The following SNRPB2 variants were observed in gnomAD, a reference collection of about 807,000 sequenced individuals.
SNRPB2 encodes U2 small nuclear ribonucleoprotein B''.
A neutral mutation model predicts 26.3 loss-of-function variants in SNRPB2; 16 were observed. The ratio of observed to expected loss-of-function variants is 0.61; its 90% CI spans 0.41 to 0.92. The LOEUF (loss-of-function observed/expected upper bound fraction) is 0.92. Ranked by LOEUF, SNRPB2 falls within the 40% of genes least tolerant of loss-of-function variation. SNRPB2 has a pLI of 0.00. For missense variants in SNRPB2, 179 were observed against 268.1 expected (o/e 0.67, Z 2.32); for synonymous variants, 75 against 89.0 (o/e 0.84, Z 0.88).
chr20:16,732,132 C>T, intron 2 of SNRPB2, 32 bp from the exon 3 acceptor site: 3 of 1,384,440 alleles, frequency 2.2e-6, no homozygotes, highest in Non-Finnish European at 3.0e-6. Flanking sequence ...TACTTTATTA[C>T]CAATAACTTG....
At position 16,736,953 on chromosome 20, in the gene SNRPB2, A is replaced by G. The variant is rs1047145468; in HGVS notation, c.238-308A>G. 2.6e-5 allele frequency among the ~76,000 whole-genome samples: 4 copies of G among 152,182 alleles called. No individual in the cohort carries two copies. The East Asian group carries it at 7.7e-4, about 29-fold the overall frequency. ...ATTTGTTCCTTTAACACTTCAATGC[A>G]GTTTTCTCTATTCTTTGATTAAATG... On this transcript the variant is annotated intron_variant, in intron 3 of 6. Coordinates refer to ENST00000246071, the MANE Select transcript of SNRPB2 (RefSeq NM_003092.5).
chr20:16,742,269 C>G lies in SNRPB2; in HGVS notation c.*1264C>G, dbSNP rs1406239211. On this transcript the variant is annotated 3_prime_UTR_variant, in exon 7 of 7. Transcript: ENST00000246071. ...TTGTATATTACAGTGATGTCAATTG[C>G]TGATAAATTTTCTAACTGCTTACTC... The G allele has an allele frequency of 2.0e-5, 3 of 152,104 alleles. No individual in the cohort carries two copies. The highest frequency in any genetic ancestry group is 7.2e-5 in the African/African-American group (3 of 41,398). The allele number at this position is 152,104 out of a possible 1,614,324, so 9.4% of individuals were successfully genotyped here. A position where few individuals can be genotyped will look rare whatever the true frequency, so the allele number is the denominator to read the frequency against.
chr20:16,733,125 A>G (rs1191301998), intron 3 of SNRPB2, among the ~76,000 whole-genome samples: 2 of 152,300 alleles, frequency 1.3e-5, no homozygotes, highest in African/African-American at 4.8e-5. Flanking sequence ...CAGGGTTTAG[A>G]GGAGCTGGGT....
At position 16,731,593 on chromosome 20, in the gene SNRPB2, T is replaced by C. The variant is rs1252588993; in HGVS notation, c.-35-75T>C. 6 of 1,440,756 alleles carry C rather than the reference T, an allele frequency of 4.2e-6. No homozygotes were observed. In the South Asian group the frequency reaches 6.3e-5, roughly 15 times the overall value. 89.2% of individuals were successfully genotyped at this position (1,440,756 alleles called of 1,614,324 possible). ...CTGACAACTGGGATTGAAAGAGAAATGAAAAGTTAATAATTCTTGTGTTGT... is the reference window on the plus strand; with the variant it reads ...CTGACAACTGGGATTGAAAGAGAAACGAAAAGTTAATAATTCTTGTGTTGT... On this transcript the variant is annotated intron_variant, in intron 1 of 6. Coordinates refer to ENST00000246071, the MANE Select transcript of SNRPB2 (RefSeq NM_003092.5).
At chr20:16,739,011 GAC>G in intron 5 of SNRPB2, 109 bp downstream of exon 5, 2 of 718,242 alleles carry the variant, frequency 2.8e-6, no homozygotes, top group South Asian at 3.2e-5. Context: ...TCATCTACAA[GAC>G]ACAGTGCGTT....
intron 3 of SNRPB2, among the ~76,000 whole-genome samples, chr20:16,733,280 A>G (rs1219663539): frequency 2.6e-5 from 4 of 152,240 alleles, no homozygotes; most frequent in Non-Finnish European, 1.5e-5. Context: ...TTTGTAAGCC[A>G]TATATGGTTT....
chr20:16,735,217 A>C (rs1239271142), intron 3 of SNRPB2, among the ~76,000 whole-genome samples: 1 of 151,510 alleles, frequency 6.6e-6, no homozygotes, highest in Non-Finnish European at 1.5e-5. Context: ...ACACTACTTT[A>C]AAATGTTTCT....
chr20:16,734,971 G>C (rs1163707372), intron 3 of SNRPB2, among the ~76,000 whole-genome samples: 1 of 152,160 alleles, frequency 6.6e-6, no homozygotes, highest in East Asian at 1.9e-4. Flanking sequence ...CCTTCAGCCT[G>C]TCTCCTTTTG....
At chr20:16,730,256 C>G (rs2072380238) in intron 1 of SNRPB2, 92 bp downstream of exon 1, 1 of 152,570 alleles carries the variant, frequency 6.6e-6, no homozygotes, top group African/African-American at 2.4e-5. Flanking sequence ...CGTGGCAGCT[C>G]CCTTGGACTT....
Position 16,741,084 on chromosome 20 carries a change from A to G in SNRPB2, c.*79A>G, listed in dbSNP as rs2072459885. 3 of 1,064,156 alleles carry G rather than the reference A, an allele frequency of 2.8e-6. No individual in the cohort carries two copies. The Admixed American group carries it at 7.4e-5, about 26-fold the overall frequency. 65.9% of individuals were successfully genotyped at this position (1,064,156 alleles called of 1,614,324 possible). A position where few individuals can be genotyped will look rare whatever the true frequency, so the allele number is the denominator to read the frequency against. Reference sequence around the variant, plus strand: ...GATAACATTTGGCTGGGTCATTTTAATAGTTAGAGATGAGGAGGAGTAAAA... The same window carrying G: ...GATAACATTTGGCTGGGTCATTTTAGTAGTTAGAGATGAGGAGGAGTAAAA... On this transcript the variant is annotated 3_prime_UTR_variant, in exon 7 of 7. Transcript: ENST00000246071.
In SNRPB2 at chr20:16,737,262, G is replaced by T; in HGVS notation, c.239G>T (p.Arg80Leu). ...QGFPFYGKPM[R>L]IQYAKTDSDI... ...CCTGTTTTCAAATAATTAAAACAGC[G>T]AATACAGTATGCAAAAACAGATTCG... is the stretch of plus-strand genomic sequence containing the variant. The change falls in exon 4 of 7, where the codon CGA becomes CTA. Residue 80 changes from arginine (R) to leucine (L), a missense_variant and splice_region_variant. This residue lies in a region of SNRPB2 where 145 missense variants were observed against 180.7 expected (regional missense o/e 0.80). Coordinates refer to ENST00000246071, the MANE Select transcript of SNRPB2 (RefSeq NM_003092.5). 1 of 1,584,388 alleles carries T rather than the reference G, an allele frequency of 6.3e-7. No individual in the cohort carries two copies. The highest frequency in any genetic ancestry group is 8.5e-7 in the Non-Finnish European group (1 of 1,170,316).
chr20:16,736,213 CA>C (rs901772833), intron 3 of SNRPB2, among the ~76,000 whole-genome samples: 16 of 152,106 alleles, frequency 1.1e-4, no homozygotes, highest in African/African-American at 3.4e-4. Context: ...TAAAGGAAGG[CA>C]GCCTCCAGGT....
At chr20:16,737,426 G>A in intron 4 of SNRPB2, 25 bp downstream of exon 4, 1 of 1,564,434 alleles carries the variant, frequency 6.4e-7, no homozygotes. Flanking sequence ...GAAAGTTCCT[G>A]TTTGTATTGG....
chr20:16,732,270 G>A lies in SNRPB2; in HGVS notation c.171G>A (p.Lys57=). ...GGGGGCAGGCCTTTGTCATATTTAA[G>A]GAACTGGGCTCATCCACAAATGCCT... ...KMRGQAFVIF[K]ELGSSTNALR... Residue 57 remains lysine (K), a synonymous_variant, in exon 3 of 7, where the codon AAG becomes AAA. Coordinates refer to ENST00000246071, the MANE Select transcript of SNRPB2 (RefSeq NM_003092.5). 1.9e-6 allele frequency: 3 copies of A among 1,605,240 alleles called. No individual in the cohort carries two copies. The highest frequency in any genetic ancestry group is 2.6e-6 in the Non-Finnish European group (3 of 1,174,784).
chr20:16,738,833 C>T lies in SNRPB2; in HGVS notation c.379-19C>T, dbSNP rs1568755133. On this transcript the variant is annotated intron_variant, in intron 4 of 6. Transcript: ENST00000246071. Reference sequence around the variant, plus strand: ...TGGAGGGATTGGATATTTAAACTCTCCCTATTTATTTTGCTTAGGGAACTC... The same window carrying T: ...TGGAGGGATTGGATATTTAAACTCTTCCTATTTATTTTGCTTAGGGAACTC... 1 of 1,468,012 alleles carries T rather than the reference C, an allele frequency of 6.8e-7. No individual in the cohort carries two copies. Among genetic ancestry groups the T allele is most frequent in the Non-Finnish European group, 9.5e-7 (1 of 1,047,578 alleles). 90.9% of individuals were successfully genotyped at this position (1,468,012 alleles called of 1,614,324 possible).
In SNRPB2 at chr20:16,741,767, C is replaced by G. The variant is rs2072464443; in HGVS notation, c.*762C>G. The G allele has an allele frequency of 6.6e-6, 1 of 152,092 alleles. No homozygotes were observed. The highest frequency in any genetic ancestry group is 1.5e-5 in the Non-Finnish European group (1 of 68,006). The allele number at this position is 152,092 out of a possible 1,614,324, so 9.4% of individuals were successfully genotyped here. ...AAATAGACTGATTAATAAAGAGTTG[C>G]CAGTGCTAAGCTTGCTACTTCTTTG... is the stretch of plus-strand genomic sequence containing the variant. On this transcript the variant is annotated 3_prime_UTR_variant, in exon 7 of 7. Coordinates refer to ENST00000246071, the MANE Select transcript of SNRPB2 (RefSeq NM_003092.5).
At chr20:16,740,277 A>G in intron 5 of SNRPB2, 48 bp from the exon 6 acceptor site, 4 of 1,601,344 alleles carry the variant, frequency 2.5e-6, no homozygotes, top group Non-Finnish European at 3.4e-6. Context: ...CTAGCTTACG[A>G]TGCTGTTTAA....
intron 6 of SNRPB2, 27 bp from the exon 7 acceptor site, chr20:16,740,819 T>C: frequency 6.4e-7 from 1 of 1,557,928 alleles, no homozygotes; most frequent in South Asian, 1.1e-5. Context: ...ACTTGCTGTA[T>C]ACATGAATTG....
At chr20:16,737,228 G>A in intron 3 of SNRPB2, 33 bp from the exon 4 acceptor site, 1 of 1,536,462 alleles carries the variant, frequency 6.5e-7, no homozygotes. Context: ...CCTTCAGCAT[G>A]AGAAGTAACC....
Sources: allele counts gnomAD v4.1 joint callset (sites outside exome capture counted in the v4.1 genomes callset), GRCh38; gene constraint gnomAD v4.1.1; regional missense constraint gnomAD v4.1.1; transcripts MANE v1.5; gene names NCBI Gene and HGNC (gene_info 2026-07-23, HGNC 2026-07-21).